The following MCPH1 variants were observed in gnomAD, a reference collection of about 807,000 sequenced individuals.
MCPH1 encodes microcephalin.
In MCPH1, 104 loss-of-function variants were observed where a neutral mutation model predicts 84.5. That is an observed-to-expected ratio of 1.23 (90% CI 1.05 to 1.45). MCPH1 has a LOEUF of 1.45. Ranked by LOEUF, MCPH1 falls within the 40% of genes most tolerant of loss-of-function variation. MCPH1 has a pLI of 0.00. For missense variants in MCPH1, 1,498 were observed against 1,005.7 expected, an observed-to-expected ratio of 1.49 and a Z score of -6.62; for synonymous variants, 514 against 366.8, an observed-to-expected ratio of 1.40 and a Z score of -4.58.
rs377522481 is a variant in MCPH1, at chr8:6,623,688, C to CAAAAAAAAAAAA, written c.2452+2016_2452+2027dup. ...CATCTTTTGCCTGGAAACCAACTTCCAAAAAAAAAAAAAAAAAAAAAAAAA... is the reference window on the plus strand; with the variant it reads ...CATCTTTTGCCTGGAAACCAACTTCCAAAAAAAAAAAAAAAAAAAAAAAAAAAAAAAAAAAAA... On this transcript the variant is annotated intron_variant, in intron 13 of 13. Transcript: ENST00000344683. 2.9e-4 allele frequency among the ~76,000 whole-genome samples: 27 copies of CAAAAAAAAAAAA among 92,426 alleles called. 3 individuals are homozygous for CAAAAAAAAAAAA. Among genetic ancestry groups the CAAAAAAAAAAAA allele is most frequent in the African/African-American group, 1.0e-3 (22 of 21,790 alleles). The allele number at this position is 92,426 out of a possible 152,430, so 60.6% of individuals were successfully genotyped here. A position where few individuals can be genotyped will look rare whatever the true frequency, so the allele number is the denominator to read the frequency against.
intron 13 of MCPH1, among the ~76,000 whole-genome samples, chr8:6,622,411 G>A (rs909110848): frequency 3.9e-5 from 6 of 152,162 alleles, no homozygotes; most frequent in Admixed American, 1.3e-4. Flanking sequence ...AGGACGGCCT[G>A]GGGAATGCGG....
chr8:6,490,971 T>G (rs1369561567), intron 11 of MCPH1, among the ~76,000 whole-genome samples: 1 of 148,772 alleles, frequency 6.7e-6, no homozygotes, highest in Non-Finnish European at 1.5e-5. Flanking sequence ...TATTAATCAT[T>G]AATAACAATT....
intron 12 of MCPH1, chr8:6,501,025 G>C (rs779805108): frequency 2.6e-5 from 4 of 152,172 alleles, no homozygotes; most frequent in Non-Finnish European, 5.9e-5. Context: ...CTTATTTTCA[G>C]TTGTTTTTCA....
intron 12 of MCPH1, chr8:6,509,073 G>A: frequency 6.2e-7 from 1 of 1,607,520 alleles, no homozygotes; most frequent in South Asian, 1.1e-5. Flanking sequence ...CTGTAAGCGT[G>A]CAAAGAAAAA....
intron 12 of MCPH1, among the ~76,000 whole-genome samples, chr8:6,607,989 A>C (rs1245553700): frequency 1.3e-5 from 2 of 152,164 alleles, no homozygotes; most frequent in African/African-American, 4.8e-5. Context: ...GGCCAGACCA[A>C]CCATTTGGAA....
intron 13 of MCPH1, chr8:6,625,339 G>A: frequency 1.0e-6 from 1 of 985,434 alleles, no homozygotes; most frequent in African/African-American, 1.7e-5. Flanking sequence ...CGGTATCCAT[G>A]GATGTGTCCT....
At chr8:6,542,322 G>A (rs1273198974) in intron 12 of MCPH1, among the ~76,000 whole-genome samples, 1 of 152,062 alleles carries the variant, frequency 6.6e-6, no homozygotes, top group Non-Finnish European at 1.5e-5. Flanking sequence ...ATCTGTGTGT[G>A]TGTGTATGTA....
chr8:6,423,679 G>T (rs114637431), intron 3 of MCPH1, among the ~76,000 whole-genome samples: 301 of 152,126 alleles, frequency 2.0e-3, no homozygotes, highest in Middle Eastern at 6.8e-3. Flanking sequence ...CTTTTTGCGG[G>T]TGATAAATCT....
At chr8:6,594,441 A>C (rs1828763707) in intron 12 of MCPH1, among the ~76,000 whole-genome samples, 2 of 152,180 alleles carry the variant, frequency 1.3e-5, no homozygotes. Context: ...TCTTTCCAAA[A>C]CACTCATTCG....
intron 8 of MCPH1, 127 bp from the exon 9 acceptor site, chr8:6,455,016 T>C (rs1481935956): frequency 5.4e-6 from 4 of 736,848 alleles, no homozygotes; most frequent in African/African-American, 1.8e-5. Context: ...GAGCCAGATA[T>C]ATACAATTTA....
intron 8 of MCPH1, among the ~76,000 whole-genome samples, chr8:6,451,712 GGT>G (rs1805108646): frequency 6.6e-6 from 1 of 152,032 alleles, no homozygotes; most frequent in Non-Finnish European, 1.5e-5. Flanking sequence ...ATTTTTCCTA[GGT>G]GTCTTTTAAG....
chr8:6,414,151 G>A (rs1012704063), intron 2 of MCPH1, among the ~76,000 whole-genome samples: 3 of 151,988 alleles, frequency 2.0e-5, no homozygotes, highest in Non-Finnish European at 2.9e-5. Context: ...GATTACAGGC[G>A]TCCGCCACCT....
At chr8:6,434,126 C>T (rs912598624) in intron 4 of MCPH1, among the ~76,000 whole-genome samples, 1 of 152,192 alleles carries the variant, frequency 6.6e-6, no homozygotes, top group African/African-American at 2.4e-5. Context: ...AGTCTCTTTT[C>T]ATCTGCAGTG....
At position 6,526,835 on chromosome 8, in the gene MCPH1, C is replaced by G. The variant is rs189359760; in HGVS notation, c.2214+26906C>G. Among the ~76,000 whole-genome samples, 293 of 152,194 alleles carry G rather than the reference C, an allele frequency of 1.9e-3. 7 individuals carry two copies. In the South Asian group the frequency reaches 0.034, roughly 18 times the overall value. ...GTGCATAAAATTATCCTCTTTTGTC[C>G]CAAGTGGAACAGACATATGAAAACA... On this transcript the variant is annotated intron_variant, in intron 12 of 13. Coordinates refer to ENST00000344683, the MANE Select transcript of MCPH1 (RefSeq NM_024596.5).
chr8:6,417,232 TC>T (rs1799439178), intron 3 of MCPH1, among the ~76,000 whole-genome samples: 1 of 152,230 alleles, frequency 6.6e-6, no homozygotes, highest in African/African-American at 2.4e-5. Flanking sequence ...TATATCTTTT[TC>T]TAATTAGCTG....
At chr8:6,468,606 T>C (rs1353949004) in intron 9 of MCPH1, among the ~76,000 whole-genome samples, 2 of 151,848 alleles carry the variant, frequency 1.3e-5, no homozygotes, top group Admixed American at 6.6e-5. Flanking sequence ...TTGAACACTT[T>C]AGACACTAAT....
chr8:6,568,982 G>A (rs570556445), intron 12 of MCPH1, among the ~76,000 whole-genome samples: 1 of 152,354 alleles, frequency 6.6e-6, no homozygotes, highest in South Asian at 2.1e-4. Context: ...TTTGCAGACA[G>A]AGGGGCACAC....
chr8:6,517,847 A>G (rs1816566675), intron 12 of MCPH1, among the ~76,000 whole-genome samples: 1 of 151,852 alleles, frequency 6.6e-6, no homozygotes, highest in Non-Finnish European at 1.5e-5. Context: ...TGACTTACAG[A>G]GTCTTAAGTC....
chr8:6,640,103 C>T (rs2980652), intron 13 of MCPH1, among the ~76,000 whole-genome samples: 2,942 of 122,308 alleles, frequency 0.024, 110 homozygotes, highest in African/African-American at 0.078. Context: ...TGTGTGCGCG[C>T]GCGTGTGTGT....
Sources: gnomAD v4.1 joint callset for allele counts (sites outside exome capture counted in the v4.1 genomes callset) on GRCh38, gnomAD v4.1.1 for gene constraint, MANE v1.5 for transcripts, NCBI Gene and HGNC (gene_info 2026-07-23, HGNC 2026-07-21) for gene names.